PHF8: variants seen among roughly 807,000 people sequenced by gnomAD.
PHF8 encodes PHD finger protein 8.
In PHF8, 9 loss-of-function variants were observed where a neutral mutation model predicts 74.4. That is an observed-to-expected ratio of 0.12 (90% confidence interval 0.07 to 0.21). The LOEUF (loss-of-function observed/expected upper bound fraction) is 0.21. PHF8 is among the 10% of genes least tolerant of loss of function. The probability of loss-of-function intolerance (pLI) is 1.00; values close to 1 mark genes in which losing one functional copy is unlikely to be tolerated. For missense variants in PHF8, 478 were observed against 816.6 expected (o/e 0.59, Z 5.05); for synonymous variants, 311 against 316.6 (o/e 0.98, Z 0.19).
intron 18 of PHF8, among the ~76,000 whole-genome samples, chrX:53,984,330 C>T (rs1395097667): frequency 8.9e-6 from 1 of 111,909 alleles, no homozygotes; most frequent in Non-Finnish European, 1.9e-5. Context: ...GGCACCACTG[C>T]ACTCCACCCT....
chrX:54,006,406 T>C (rs1217380610), intron 8 of PHF8, among the ~76,000 whole-genome samples: 3 of 109,621 alleles, frequency 2.7e-5, no homozygotes, highest in African/African-American at 1.0e-4. Flanking sequence ...TGCTTGAGCC[T>C]GGGAGGTCAA....
chrX:54,013,024 G>A (rs1254235576), intron 7 of PHF8, among the ~76,000 whole-genome samples: 1 of 110,119 alleles, frequency 9.1e-6, no homozygotes, highest in East Asian at 2.8e-4. Context: ...AGGCTGAGGT[G>A]GGAGGATCCC....
intron 8 of PHF8, among the ~76,000 whole-genome samples, chrX:54,004,262 G>A (rs2065865335): frequency 9.2e-6 from 1 of 109,007 alleles, no homozygotes. Context: ...AGGATTCAAA[G>A]ATGGATGAAT....
chrX:53,962,908 GTCA>G lies in PHF8; in HGVS notation c.2472_2474del (p.Asp825del). ...TCTTGGGTCGAGATTTCAAAGCAGG[GTCA>G]TCATCATCAGACTCCAGTGAAGGAT... On this transcript the variant is annotated inframe_deletion, in exon 19 of 22. Transcript: ENST00000338154. 1 of 1,191,286 alleles carries G rather than the reference GTCA, an allele frequency of 8.4e-7. No homozygotes were observed.
chrX:54,043,323 C>T (rs1557116526), intron 1 of PHF8: 1 of 123,418 alleles, frequency 8.1e-6, no homozygotes, highest in Non-Finnish European at 1.6e-5. Context: ...TTACTCAAAG[C>T]CTTCACGAAC....
intron 20 of PHF8, among the ~76,000 whole-genome samples, chrX:53,941,547 G>A (rs1236570014): frequency 9.0e-6 from 1 of 111,615 alleles, no homozygotes; most frequent in African/African-American, 3.3e-5. Context: ...TGAGAACCTG[G>A]AAAGGTGGTG....
At chrX:54,029,289 T>G (rs893932437) in intron 2 of PHF8, among the ~76,000 whole-genome samples, 1 of 111,716 alleles carries the variant, frequency 9.0e-6, no homozygotes, top group Admixed American at 9.5e-5. Context: ...AAACACAAAT[T>G]TGATCCTATC....
Position 54,002,792 on chromosome X carries a change from A to C in PHF8, c.947-110T>G. On this transcript the variant is annotated intron_variant, in intron 8 of 21. Coordinates refer to ENST00000338154, the MANE Select transcript of PHF8 (RefSeq NM_015107.3). Reference sequence around the variant, plus strand: ...ACTCCTTAAGAGCAGTTAGCCTCCAAACTGGCTTCCCAACACCAGATGTTC... The same window carrying C: ...ACTCCTTAAGAGCAGTTAGCCTCCACACTGGCTTCCCAACACCAGATGTTC... The C allele has an allele frequency of 1.6e-5, 9 of 547,909 alleles. No homozygotes were observed. In the South Asian group the frequency reaches 2.0e-4, roughly 12 times the overall value. The allele number at this position is 547,909 out of a possible 1,213,427, so 45.2% of individuals were successfully genotyped here.
chrX:54,003,951 G>T (rs1295441956), intron 8 of PHF8, among the ~76,000 whole-genome samples: 1 of 111,512 alleles, frequency 9.0e-6, no homozygotes, highest in East Asian at 2.8e-4. Flanking sequence ...CAAACCTATG[G>T]CTAGACTAAG....
chrX:54,048,214 C>T (rs2066642570), upstream of PHF8, among the ~76,000 whole-genome samples: 1 of 109,942 alleles, frequency 9.1e-6, no homozygotes, highest in Non-Finnish European at 1.9e-5. Context: ...AGTGCTAAAG[C>T]CCTAAGATGG....
Position 53,990,095 on chromosome X carries a change from G to C in PHF8, c.1731-2151C>G, listed in dbSNP as rs782407832. ...ATGTCTGTAGTATCAGCTAACTCAA[G>C]AGGCTGAGGCAAGAGAACTGCTTGA... On this transcript the variant is annotated intron_variant, in intron 14 of 21. Coordinates refer to ENST00000338154, the MANE Select transcript of PHF8 (RefSeq NM_015107.3). Among the ~76,000 whole-genome samples the C allele has an allele frequency of 1.9e-4, 21 of 111,851 alleles. No individual in the cohort carries two copies. In the East Asian group the frequency reaches 5.9e-3, roughly 31 times the overall value.
intron 6 of PHF8, among the ~76,000 whole-genome samples, chrX:54,014,869 T>G (rs1436443180): frequency 2.7e-5 from 3 of 111,835 alleles, no homozygotes; most frequent in Middle Eastern, 4.6e-3. Flanking sequence ...GGCATGTGGA[T>G]TATAGAAGTT....
intron 8 of PHF8, among the ~76,000 whole-genome samples, chrX:54,007,430 T>C (rs1378285891): frequency 1.8e-5 from 2 of 111,938 alleles, no homozygotes; most frequent in Admixed American, 9.5e-5. Flanking sequence ...TTTGTAACTT[T>C]TGTCCTTCAT....
Position 54,042,733 on chromosome X carries a change from G to A in PHF8, c.-5C>T, listed in dbSNP as rs782648721. 2.5e-6 allele frequency: 3 copies of A among 1,204,733 alleles called. No homozygotes were observed. The highest frequency in any genetic ancestry group is 3.0e-5 in the East Asian group (1 of 33,608). The stretch of plus-strand genomic sequence containing the variant: ...ATACACCGGCACCGAGGCCATCTTC[G>A]CTCGGCCCTGGAGCGTTCTGCGGCC... On this transcript the variant is annotated 5_prime_UTR_variant, in exon 2 of 22. Coordinates refer to ENST00000338154, the MANE Select transcript of PHF8 (RefSeq NM_015107.3).
At chrX:53,969,258 C>T (rs2065257846) in intron 18 of PHF8, among the ~76,000 whole-genome samples, 1 of 110,764 alleles carries the variant, frequency 9.0e-6, no homozygotes, top group Non-Finnish European at 1.9e-5. Context: ...ACAAAAAAAA[C>T]ACCTCAGTAA....
intron 1 of PHF8, 154 bp from the exon 2 acceptor site, chrX:54,042,974 T>C (rs1371133188): frequency 1.9e-6 from 1 of 519,493 alleles, no homozygotes; most frequent in Non-Finnish European, 2.9e-6. Flanking sequence ...ACCCGGCCCT[T>C]AGAATTTCTT....
chrX:54,043,278 G>A, intron 1 of PHF8: 1 of 197,884 alleles, frequency 5.1e-6, no homozygotes, highest in Non-Finnish European at 7.7e-6. Flanking sequence ...GGGCCAACCA[G>A]AGAGAGATAA....
intron 19 of PHF8, among the ~76,000 whole-genome samples, chrX:53,949,171 A>G (rs1245603239): frequency 9.0e-6 from 1 of 110,735 alleles, no homozygotes; most frequent in Non-Finnish European, 1.9e-5. Flanking sequence ...TGTCTCTACT[A>G]AAAATACAAA....
Position 53,938,577 on chromosome X carries a change from G to A in PHF8, c.*581C>T. The A allele has an allele frequency of 1.3e-6, 1 of 757,176 alleles. No individual in the cohort carries two copies. 62.4% of individuals were successfully genotyped at this position (757,176 alleles called of 1,213,427 possible). ...ACTTCTGGAAATGGCCCACAGTGGG[G>A]CAGGAAGGAGGCTCTAGGCCTTCCT... On this transcript the variant is annotated 3_prime_UTR_variant, in exon 22 of 22. Coordinates refer to ENST00000338154, the MANE Select transcript of PHF8 (RefSeq NM_015107.3).
Sources: allele counts gnomAD v4.1 joint callset (sites outside exome capture counted in the v4.1 genomes callset), GRCh38; gene constraint gnomAD v4.1.1; transcripts MANE v1.5; gene names NCBI Gene and HGNC (gene_info 2026-07-23, HGNC 2026-07-21).